Variants in MORF4L1 observed in about 807,000 individuals in gnomAD.
MORF4L1 encodes mortality factor 4 like 1.
Under a neutral mutation model 52.9 loss-of-function variants are expected in MORF4L1, and 4 were observed. The ratio of observed to expected loss-of-function variants is 0.08; its 90% CI spans 0.04 to 0.17. The LOEUF (loss-of-function observed/expected upper bound fraction) is 0.17. MORF4L1 is among the 10% of genes least tolerant of loss of function. MORF4L1 has a pLI of 1.00. For missense variants in MORF4L1, 214 were observed against 390.4 expected, an observed-to-expected ratio of 0.55 and a Z score of 3.81; for synonymous variants, 123 against 134.8, an observed-to-expected ratio of 0.91 and a Z score of 0.61.
At chr15:78,875,332 T>TG (rs1226705167) in intron 1 of MORF4L1, among the ~76,000 whole-genome samples, 2 of 152,172 alleles carry the variant, frequency 1.3e-5, no homozygotes, top group African/African-American at 2.4e-5. Flanking sequence ...CCGTTTTAAG[T>TG]GGGGTAATTG....
At position 78,894,509 on chromosome 15, in the gene MORF4L1, A is replaced by C. The variant is rs111442832; in HGVS notation, c.802+279A>C. 173 of 372,204 alleles carry C rather than the reference A, an allele frequency of 4.6e-4. 1 individual carries two copies. Among genetic ancestry groups the C allele is most frequent in the Admixed American group, 9.0e-4 (21 of 23,424 alleles). The allele number at this position is 372,204 out of a possible 1,614,324, so 23.1% of individuals were successfully genotyped here. On this transcript the variant is annotated intron_variant, in intron 10 of 11. Coordinates refer to ENST00000426013, the MANE Select transcript of MORF4L1 (RefSeq NM_006791.4). ...CTGCAACCTCCGCCTCCTGGGTTCAACAATTCTCCTGCCTCAGCCTCCCAA... is the reference window on the plus strand; with the variant it reads ...CTGCAACCTCCGCCTCCTGGGTTCACCAATTCTCCTGCCTCAGCCTCCCAA...
intron 1 of MORF4L1, 143 bp from the exon 2 acceptor site, chr15:78,878,070 C>T (rs1408868757): frequency 3.1e-6 from 2 of 645,000 alleles, no homozygotes; most frequent in Non-Finnish European, 2.5e-6. Flanking sequence ...GAAGTTTGAG[C>T]CAAAGTGGTG....
At position 78,897,064 on chromosome 15, in the gene MORF4L1, G is replaced by A. The variant is rs1413926582; in HGVS notation, c.969G>A (p.Val323=). 24 of 1,610,154 alleles carry A rather than the reference G, an allele frequency of 1.5e-5. No homozygotes were observed. Among genetic ancestry groups the A allele is most frequent in the Non-Finnish European group, 2.0e-5 (23 of 1,178,100 alleles). Residue 323 remains valine, a synonymous_variant, in exon 12 of 12, where the codon GTG becomes GTA. Transcript: ENST00000426013. ...CTCCTGAGTACCATCGGAAAGCTGT[G>A]TGAGAGGCACTCTCACTCACTTATG... The part of the protein sequence containing the change: ...VAPPEYHRKA[V]
intron 1 of MORF4L1, 104 bp downstream of exon 1, chr15:78,873,161 T>A: frequency 3.3e-6 from 5 of 1,536,482 alleles, no homozygotes; most frequent in Non-Finnish European, 4.4e-6. Flanking sequence ...GGCTGCGCCC[T>A]GAGAAGGCGG....
At chr15:78,888,237 G>A (rs1390220541) in intron 5 of MORF4L1, among the ~76,000 whole-genome samples, 1 of 152,182 alleles carries the variant, frequency 6.6e-6, no homozygotes, top group Non-Finnish European at 1.5e-5. Context: ...GGCTGAGGCA[G>A]GAGAATGGTT....
intron 8 of MORF4L1, 70 bp downstream of exon 8, chr15:78,892,383 G>A: frequency 1.9e-6 from 2 of 1,055,584 alleles, no homozygotes; most frequent in Non-Finnish European, 1.4e-6. Flanking sequence ...AGTTTTTAAA[G>A]GAAAATGTTA....
chr15:78,888,573 C>T (rs2141476707), intron 5 of MORF4L1, among the ~76,000 whole-genome samples: 1 of 152,056 alleles, frequency 6.6e-6, no homozygotes, highest in South Asian at 2.1e-4. Flanking sequence ...CATTTTATTT[C>T]CTACCAGAAT....
At chr15:78,896,833 T>C in intron 11 of MORF4L1, 150 bp from the exon 12 acceptor site, 1 of 591,262 alleles carries the variant, frequency 1.7e-6, no homozygotes, top group Non-Finnish European at 3.1e-6. Context: ...ACCTGAATTG[T>C]CATTATGTGT....
intron 1 of MORF4L1, 134 bp downstream of exon 1, chr15:78,873,191 G>A: frequency 6.6e-7 from 1 of 1,519,662 alleles, no homozygotes; most frequent in African/African-American, 1.4e-5. Context: ...CTTTGTGCGG[G>A]GAAAGCGCAT....
chr15:78,884,214 A>T (rs1289435163), intron 3 of MORF4L1, among the ~76,000 whole-genome samples: 1 of 135,848 alleles, frequency 7.4e-6, no homozygotes, highest in Non-Finnish European at 1.5e-5. Context: ...AAAAAAAAAA[A>T]CAAAAAGCTG....
chr15:78,894,267 T>C (rs750539953), intron 10 of MORF4L1, 37 bp downstream of exon 10: 2 of 1,523,846 alleles, frequency 1.3e-6, no homozygotes, highest in East Asian at 4.7e-5. Flanking sequence ...ATTTTACTTT[T>C]TGGGGGGTCT....
chr15:78,894,558 C>T (rs1285648783), intron 10 of MORF4L1: 1 of 442,996 alleles, frequency 2.3e-6, no homozygotes, highest in East Asian at 4.2e-5. Context: ...CAGGTGTGCA[C>T]CACCACATCT....
chr15:78,884,214 A>AC (rs2056654029), intron 3 of MORF4L1, among the ~76,000 whole-genome samples: 1 of 135,848 alleles, frequency 7.4e-6, no homozygotes, highest in Non-Finnish European at 1.5e-5. Context: ...AAAAAAAAAA[A>AC]CAAAAAGCTG....
intron 3 of MORF4L1, among the ~76,000 whole-genome samples, chr15:78,885,613 C>T (rs746606185): frequency 6.6e-6 from 1 of 152,070 alleles, no homozygotes; most frequent in African/African-American, 2.4e-5. Flanking sequence ...TCTGACATAC[C>T]TTTAGTGTTG....
At chr15:78,881,947 G>A (rs921643576) in intron 3 of MORF4L1, among the ~76,000 whole-genome samples, 2 of 151,976 alleles carry the variant, frequency 1.3e-5, no homozygotes, top group Non-Finnish European at 1.5e-5. Context: ...CTGTGACTTT[G>A]GTCTTGTTTC....
At chr15:78,886,275 T>A in intron 4 of MORF4L1, 48 bp downstream of exon 4, 1 of 1,460,416 alleles carries the variant, frequency 6.8e-7, no homozygotes, top group Non-Finnish European at 9.6e-7. Context: ...GCCTGTAGAT[T>A]AATTCTGGAC....
intron 8 of MORF4L1, 72 bp from the exon 9 acceptor site, chr15:78,893,466 TA>T: frequency 9.9e-7 from 1 of 1,005,922 alleles, no homozygotes; most frequent in Non-Finnish European, 1.6e-6. Context: ...GATCTTTGTA[TA>T]AAAACTTGCC....
At chr15:78,873,218 G>A in intron 1 of MORF4L1, 161 bp downstream of exon 1, 1 of 1,514,956 alleles carries the variant, frequency 6.6e-7, no homozygotes, top group East Asian at 2.5e-5. Context: ...TGGCAATTCC[G>A]GTGCGTCATT....
intron 2 of MORF4L1, among the ~76,000 whole-genome samples, chr15:78,878,628 TAGGTTAA>T (rs2141591044): frequency 6.6e-6 from 1 of 152,310 alleles, no homozygotes; most frequent in Non-Finnish European, 1.5e-5. Context: ...CTAATTATAT[TAGGTTAA>T]AGGTAAAAGC....
Sources: gnomAD v4.1 joint callset for allele counts (sites outside exome capture counted in the v4.1 genomes callset) on GRCh38, gnomAD v4.1.1 for gene constraint, MANE v1.5 for transcripts, NCBI Gene and HGNC (gene_info 2026-07-23, HGNC 2026-07-21) for gene names.